The following MMP27 variants were observed in gnomAD, a reference collection of about 807,000 sequenced individuals.
MMP27 encodes the protein matrix metalloproteinase-27.
A neutral mutation model predicts 48.1 loss-of-function variants in MMP27; 51 were observed. That is an observed-to-expected ratio of 1.06 (90% confidence interval 0.85 to 1.34). The LOEUF (loss-of-function observed/expected upper bound fraction) is 1.34, where lower values mean the gene tolerates loss of function less well. Ranked by LOEUF, MMP27 falls within the 40% of genes most tolerant of loss-of-function variation. The pLI is 0.00. For missense variants in MMP27, 698 were observed against 619.3 expected, an observed-to-expected ratio of 1.13 and a Z score of -1.35; for synonymous variants, 229 against 208.9, an observed-to-expected ratio of 1.10 and a Z score of -0.83.
At position 102,704,667 on chromosome 11, in the gene MMP27, C is replaced by CA; in HGVS notation, c.210dup (p.Gly71TrpfsTer14). The CA allele has an allele frequency of 6.2e-7, 1 of 1,613,784 alleles. No individual in the cohort carries two copies. ...TCCAGTTTTCCAGTCACTGTCAATC[C>CA]AAAAAATGCTTGCATTTCCCGAATT... On this transcript the variant is annotated frameshift_variant, in exon 2 of 10. Transcript: ENST00000260229. LOFTEE classifies it high-confidence loss of function.
Position 102,691,834 on chromosome 11 carries a change from G to C in MMP27, c.1474C>G (p.His492Asp), listed in dbSNP as rs770078700. Residue 492 changes from histidine to aspartate, a missense_variant, in exon 10 of 10, where the codon CAT becomes GAT. Coordinates refer to ENST00000260229, the MANE Select transcript of MMP27 (RefSeq NM_022122.3). ...AAAATAAACAAGCTTAAACTCTTATGATACAATATCTTTATGCCTCCTGAA... is the reference window on the plus strand; with the variant it reads ...AAAATAAACAAGCTTAAACTCTTATCATACAATATCTTTATGCCTCCTGAA... ...AHSGGIKILY[H>D]KSLSLFIFGI... The C allele has an allele frequency of 1.2e-6, 2 of 1,612,026 alleles. No homozygotes were observed. The highest frequency in any genetic ancestry group is 1.7e-6 in the Non-Finnish European group (2 of 1,178,714).
chr11:102,694,892 T>C (rs1316375823), intron 7 of MMP27, 75 bp downstream of exon 7: 2 of 1,568,094 alleles, frequency 1.3e-6, no homozygotes, highest in Non-Finnish European at 1.7e-6. Flanking sequence ...GAAGATTTTA[T>C]TTCTTACACC....
intron 7 of MMP27, 86 bp downstream of exon 7, chr11:102,694,881 T>A (rs1213457493): frequency 6.6e-7 from 1 of 1,520,696 alleles, no homozygotes; most frequent in Non-Finnish European, 9.0e-7. Context: ...GGCTCATGCA[T>A]GAAGATTTTA....
intron 9 of MMP27, among the ~76,000 whole-genome samples, chr11:102,692,613 G>A (rs918928438): frequency 6.6e-6 from 1 of 152,120 alleles, no homozygotes; most frequent in Non-Finnish European, 1.5e-5. Flanking sequence ...TGTACATTAA[G>A]GTACATACAT....
At chr11:102,703,564 C>T (rs1190581375) in intron 2 of MMP27, among the ~76,000 whole-genome samples, 1 of 152,092 alleles carries the variant, frequency 6.6e-6, no homozygotes, top group African/African-American at 2.4e-5. Flanking sequence ...GCTCTGTCCC[C>T]CAGGCTGGAG....
intron 4 of MMP27, among the ~76,000 whole-genome samples, chr11:102,700,181 A>G (rs1218206551): frequency 1.3e-5 from 2 of 152,342 alleles, no homozygotes; most frequent in East Asian, 3.9e-4. Flanking sequence ...GATGTTCAAT[A>G]AATGATCATT....
At chr11:102,692,068 T>G in intron 9 of MMP27, 58 bp from the exon 10 acceptor site, 3 of 1,395,226 alleles carry the variant, frequency 2.2e-6, no homozygotes, top group Non-Finnish European at 2.8e-6. Context: ...CTTCCATACT[T>G]TTAAATTTTA....
chr11:102,694,625 T>A (rs1311196781), intron 7 of MMP27, among the ~76,000 whole-genome samples: 1 of 152,218 alleles, frequency 6.6e-6, no homozygotes, highest in Non-Finnish European at 1.5e-5. Flanking sequence ...TTGTTGTTTA[T>A]CTGAAATTTA....
At chr11:102,692,087 G>A in intron 9 of MMP27, 77 bp from the exon 10 acceptor site, 2 of 1,320,910 alleles carry the variant, frequency 1.5e-6, no homozygotes. Context: ...TATAAACATG[G>A]AAAAAAATAA....
chr11:102,696,561 A>T, intron 5 of MMP27, 70 bp from the exon 6 acceptor site: 1 of 1,582,774 alleles, frequency 6.3e-7, no homozygotes, highest in Non-Finnish European at 8.6e-7. Flanking sequence ...CAAGGGTCTT[A>T]CCTAAGTGGA....
intron 4 of MMP27, among the ~76,000 whole-genome samples, chr11:102,699,562 C>G (rs1419944314): frequency 2.0e-5 from 3 of 152,198 alleles, no homozygotes; most frequent in Non-Finnish European, 2.9e-5. Flanking sequence ...CTCAGCTTCC[C>G]TGATGGAAAT....
At chr11:102,696,898 A>C in intron 4 of MMP27, 63 bp from the exon 5 acceptor site, 2 of 1,509,242 alleles carry the variant, frequency 1.3e-6, no homozygotes, top group Middle Eastern at 1.8e-4. Flanking sequence ...GCTGCATCTG[A>C]GATTAGAAAG....
chr11:102,701,833 T>C (rs1052397185), intron 4 of MMP27, among the ~76,000 whole-genome samples: 3 of 152,212 alleles, frequency 2.0e-5, no homozygotes, highest in Non-Finnish European at 1.5e-5. Context: ...GACAGACTTT[T>C]AGTTTCACAG....
chr11:102,694,126 T>TA, intron 7 of MMP27, 61 bp from the exon 8 acceptor site: 1 of 1,269,866 alleles, frequency 7.9e-7, no homozygotes, highest in Non-Finnish European at 1.1e-6. Flanking sequence ...TCAAGAAATT[T>TA]AAAAATCATT....
rs776713989 is a variant in MMP27, at chr11:102,705,734, A to G, written c.-20T>C. 8 of 1,564,070 alleles carry G rather than the reference A, an allele frequency of 5.1e-6. No individual in the cohort carries two copies. In the Admixed American group the frequency reaches 7.1e-5, roughly 14 times the overall value. On this transcript the variant is annotated 5_prime_UTR_variant, in exon 1 of 10. Transcript: ENST00000260229. The stretch of plus-strand genomic sequence containing the variant: ...CTTCATTCCTCTCTTTCTTCAGCTG[A>G]AGCCGGTTCTGTTAGCACAGAATTT...
At chr11:102,701,274 G>A (rs947300638) in intron 4 of MMP27, among the ~76,000 whole-genome samples, 3 of 150,138 alleles carry the variant, frequency 2.0e-5, no homozygotes, top group South Asian at 2.1e-4. Flanking sequence ...GAGCCTTACC[G>A]ATGTGGAACC....
At chr11:102,693,140 A>G in intron 8 of MMP27, 99 bp from the exon 9 acceptor site, 2 of 796,516 alleles carry the variant, frequency 2.5e-6, no homozygotes, top group Non-Finnish European at 2.1e-6. Flanking sequence ...TGTGGGGAAT[A>G]CATAGGCATA....
Position 102,691,578 on chromosome 11 carries a change from G to A in MMP27, c.*188C>T. 1 of 499,986 alleles carries A rather than the reference G, an allele frequency of 2.0e-6. No individual in the cohort carries two copies. The highest frequency in any genetic ancestry group is 3.5e-6 in the Non-Finnish European group (1 of 287,174). The allele number at this position is 499,986 out of a possible 1,614,324, so 31.0% of individuals were successfully genotyped here. ...CCACAAAGCATGAAATAGGCTTAAA[G>A]TACAGTCAGAGATTTTTGTTTCTAC... On this transcript the variant is annotated 3_prime_UTR_variant, in exon 10 of 10. Coordinates refer to ENST00000260229, the MANE Select transcript of MMP27 (RefSeq NM_022122.3).
chr11:102,696,405 T>C lies in MMP27; in HGVS notation c.868A>G (p.Thr290Ala). Residue 290 changes from threonine to alanine, a missense_variant, in exon 6 of 10, where the codon ACT becomes GCT. Physicochemically the swap from Thr to Ala is moderately conservative, Grantham distance 58. Coordinates refer to ENST00000260229, the MANE Select transcript of MMP27 (RefSeq NM_022122.3). ...AAGAACATTACTTCTCTGCGGAAAG[T>C]TGTGATAGCGTCAAAAGTCAAGTCA... ...DPDLTFDAIT[T>A]FRREVMFFKG... 1 of 1,613,848 alleles carries C rather than the reference T, an allele frequency of 6.2e-7. No individual in the cohort carries two copies. Among genetic ancestry groups the C allele is most frequent in the Non-Finnish European group, 8.5e-7 (1 of 1,179,842 alleles).
Sources: gnomAD v4.1 joint callset for allele counts (sites outside exome capture counted in the v4.1 genomes callset) on GRCh38, gnomAD v4.1.1 for gene constraint, MANE v1.5 for transcripts, NCBI Gene and HGNC (gene_info 2026-07-23, HGNC 2026-07-21) for gene names.